SIPA1L2: variants seen among roughly 807,000 people sequenced by gnomAD.
SIPA1L2 encodes signal-induced proliferation-associated 1-like protein 2.
In SIPA1L2, 56 loss-of-function variants were observed where a neutral mutation model predicts 163.9. The observed-to-expected ratio is 0.34, with a 90% confidence interval of 0.28 to 0.43. The LOEUF (loss-of-function observed/expected upper bound fraction) is 0.43, where lower values mean the gene tolerates loss of function less well. SIPA1L2 is among the 20% of genes least tolerant of loss of function. SIPA1L2 has a pLI of 1.00. For missense variants in SIPA1L2, 1,974 were observed against 2,193.5 expected (o/e 0.90, Z 2.00); for synonymous variants, 877 against 865.7 (o/e 1.01, Z -0.23).
chr1:232,604,885 T>C (rs1173004918), intron 1 of SIPA1L2, among the ~76,000 whole-genome samples: 3 of 152,170 alleles, frequency 2.0e-5, no homozygotes. Context: ...GATTATAAGT[T>C]TCCTGAGGCC....
intron 5 of SIPA1L2, among the ~76,000 whole-genome samples, chr1:232,489,205 C>G (rs1665801420): frequency 6.6e-6 from 1 of 152,100 alleles, no homozygotes; most frequent in Non-Finnish European, 1.5e-5. Flanking sequence ...CAAGAACTAC[C>G]TACCACATGG....
intron 2 of SIPA1L2, among the ~76,000 whole-genome samples, chr1:232,563,807 C>T (rs568207323): frequency 2.0e-3 from 303 of 151,990 alleles, no homozygotes; most frequent in African/African-American, 6.9e-3. Flanking sequence ...CTCTGCCTCC[C>T]GGGTTCAAGC....
intron 4 of SIPA1L2, among the ~76,000 whole-genome samples, chr1:232,493,272 T>C (rs918805902): frequency 6.6e-6 from 1 of 152,198 alleles, no homozygotes; most frequent in African/African-American, 2.4e-5. Context: ...CTTTTCTTCA[T>C]AAATTACCCA....
In SIPA1L2 at chr1:232,425,749, C is replaced by T; in HGVS notation, c.4470G>A (p.Glu1490=). ...RRSLYRTLSD[E]SICSNRRGSS... The stretch of plus-strand genomic sequence containing the variant: ...ACCCCCTCCTGTTGCTGCAGATGCT[C>T]TCGTCAGACAGCGTGCGGTAAAGCG... The change falls in exon 18 of 23, where the codon GAG becomes GAA. Residue 1490 remains glutamate, a synonymous_variant. Transcript: ENST00000674635. The T allele has an allele frequency of 6.2e-7, 1 of 1,614,134 alleles. No homozygotes were observed. Among genetic ancestry groups the T allele is most frequent in the Non-Finnish European group, 8.5e-7 (1 of 1,180,008 alleles).
intron 14 of SIPA1L2, among the ~76,000 whole-genome samples, chr1:232,440,070 T>C (rs1221961607): frequency 6.6e-6 from 1 of 152,194 alleles, no homozygotes; most frequent in Non-Finnish European, 1.5e-5. Context: ...ACGAAGTATC[T>C]CTCTGAGACA....
intron 1 of SIPA1L2, among the ~76,000 whole-genome samples, chr1:232,614,851 G>A (rs576948250): frequency 4.6e-5 from 7 of 152,316 alleles, no homozygotes; most frequent in South Asian, 4.1e-4. Flanking sequence ...ATAGTGGAAA[G>A]TGACAAATGC....
In SIPA1L2 at chr1:232,415,555, G is replaced by C. The variant is rs745355312; in HGVS notation, c.4701C>G (p.Leu1567=). The change falls in exon 19 of 23, where the codon CTC becomes CTG. Residue 1567 remains leucine (L), a synonymous_variant. Coordinates refer to ENST00000674635, the MANE Select transcript of SIPA1L2 (RefSeq NM_020808.5). ...SKCADPGLMP[L]PDTATGLDWT... ...AATCTAACCCTGTGGCTGTGTCCGGGAGGGGCATCAGGCCAGGATCTGCGC... is the reference window on the plus strand; with the variant it reads ...AATCTAACCCTGTGGCTGTGTCCGGCAGGGGCATCAGGCCAGGATCTGCGC... 6.2e-7 allele frequency: 1 copy of C among 1,613,914 alleles called. No individual in the cohort carries two copies.
At chr1:232,624,450 G>A (rs139682187) in intron 1 of SIPA1L2, among the ~76,000 whole-genome samples, 62 of 152,316 alleles carry the variant, frequency 4.1e-4, no homozygotes, top group African/African-American at 1.4e-3. Context: ...TAGTTATGCT[G>A]ACTTCACAGG....
At chr1:232,529,568 A>G (rs1193268061) in intron 2 of SIPA1L2, among the ~76,000 whole-genome samples, 2 of 152,200 alleles carry the variant, frequency 1.3e-5, no homozygotes, top group Non-Finnish European at 2.9e-5. Flanking sequence ...GGCTAAAAGA[A>G]TGCCCTGCTA....
At chr1:232,471,660 T>C in intron 7 of SIPA1L2, 132 bp from the exon 8 acceptor site, 1 of 838,860 alleles carries the variant, frequency 1.2e-6, no homozygotes, top group Non-Finnish European at 1.7e-6. Flanking sequence ...TCAGTGCTCC[T>C]AAATTTGGCA....
At chr1:232,577,364 GACCTC>G (rs1270597750) in intron 1 of SIPA1L2, among the ~76,000 whole-genome samples, 1 of 152,152 alleles carries the variant, frequency 6.6e-6, no homozygotes, top group Non-Finnish European at 1.5e-5. Flanking sequence ...GGTTATCCGA[GACCTC>G]TGACAGAGGT....
intron 19 of SIPA1L2, among the ~76,000 whole-genome samples, chr1:232,405,375 T>C (rs1191180020): frequency 1.3e-5 from 2 of 152,256 alleles, no homozygotes; most frequent in Non-Finnish European, 2.9e-5. Flanking sequence ...TCTATAACTA[T>C]ACATTCCTGA....
At chr1:232,625,028 C>T (rs1424743097) in intron 1 of SIPA1L2, among the ~76,000 whole-genome samples, 3 of 152,198 alleles carry the variant, frequency 2.0e-5, no homozygotes, top group Non-Finnish European at 4.4e-5. Context: ...TTTTCTTAAT[C>T]ATATGCAGAA....
At chr1:232,469,128 CT>C (rs2102941080) in intron 8 of SIPA1L2, among the ~76,000 whole-genome samples, 1 of 152,316 alleles carries the variant, frequency 6.6e-6, no homozygotes, top group Admixed American at 6.5e-5. Context: ...CGCACAGCCC[CT>C]TCTGACAGCT....
chr1:232,477,717 A>T (rs1258157221), intron 7 of SIPA1L2, among the ~76,000 whole-genome samples: 1 of 152,222 alleles, frequency 6.6e-6, no homozygotes, highest in African/African-American at 2.4e-5. Flanking sequence ...AAATGAAGTC[A>T]GGTACATAAA....
Position 232,425,631 on chromosome 1 carries a change from G to C in SIPA1L2, c.4588C>G (p.Pro1530Ala). The change falls in exon 18 of 23, where the codon CCT (proline) becomes GCT (alanine). Residue 1530 changes from proline (P) to alanine (A), a missense_variant. Physicochemically the swap from Pro to Ala is conservative, Grantham distance 27. Transcript: ENST00000674635. ...CTGGGTGCGGGGTGGGCCCGCGGAG[G>C]CAGCGTGCTGTGGTAGGGTGGGGTG... is the stretch of plus-strand genomic sequence containing the variant. ...STTPPYHSTL[P>A]PRAHPAPSMG... The C allele has an allele frequency of 6.2e-7, 1 of 1,610,922 alleles. No individual in the cohort carries two copies. The highest frequency in any genetic ancestry group is 8.5e-7 in the Non-Finnish European group (1 of 1,178,800).
intron 19 of SIPA1L2, among the ~76,000 whole-genome samples, chr1:232,409,947 T>C (rs1660854677): frequency 6.6e-6 from 1 of 151,806 alleles, no homozygotes; most frequent in South Asian, 2.1e-4. Flanking sequence ...TAAAAATATA[T>C]TTCAAAATAT....
chr1:232,436,180 T>C (rs1662550747), intron 15 of SIPA1L2, among the ~76,000 whole-genome samples: 1 of 152,204 alleles, frequency 6.6e-6, no homozygotes, highest in African/African-American at 2.4e-5. Flanking sequence ...CTTTTCCTAG[T>C]TCCTTTCTTT....
chr1:232,628,798 T>C (rs1358144031), intron 1 of SIPA1L2, among the ~76,000 whole-genome samples: 1 of 152,174 alleles, frequency 6.6e-6, no homozygotes, highest in Non-Finnish European at 1.5e-5. Flanking sequence ...AGCCATCTAG[T>C]GTTAACGTTT....
Sources: allele counts gnomAD v4.1 joint callset (sites outside exome capture counted in the v4.1 genomes callset), GRCh38; gene constraint gnomAD v4.1.1; transcripts MANE v1.5; gene names NCBI Gene and HGNC (gene_info 2026-07-23, HGNC 2026-07-21).